Variants in ACSM1 observed in about 807,000 individuals in gnomAD.
ACSM1 encodes acyl-coenzyme A synthetase ACSM1, mitochondrial.
Under a neutral mutation model 75.8 loss-of-function variants are expected in ACSM1, and 79 were observed. That is an observed-to-expected ratio of 1.04 (90% CI 0.87 to 1.26). The LOEUF (loss-of-function observed/expected upper bound fraction) is 1.26. Ranked by LOEUF, ACSM1 falls within the 50% of genes most tolerant of loss-of-function variation. The pLI, the probability that ACSM1 is intolerant of heterozygous loss-of-function variation, is 0.00. For synonymous variants in ACSM1, 279 were observed against 265.8 expected (o/e 1.05, Z -0.48); for missense variants, 676 against 720.1 (o/e 0.94, Z 0.70).
At chr16:20,686,956 C>T (rs918330378) in intron 2 of ACSM1, among the ~76,000 whole-genome samples, 2 of 149,066 alleles carry the variant, frequency 1.3e-5, no homozygotes, top group East Asian at 2.0e-4. Flanking sequence ...AAGCCATACT[C>T]AAAATGGTAG....
chr16:20,689,802 T>G (rs1481779090), intron 2 of ACSM1, among the ~76,000 whole-genome samples: 1 of 152,178 alleles, frequency 6.6e-6, no homozygotes, highest in East Asian at 1.9e-4. Context: ...AAAAATGAAT[T>G]TATACTCTTA....
chr16:20,673,028 TATAC>T (rs2020051859), intron 4 of ACSM1, among the ~76,000 whole-genome samples: 2 of 144,342 alleles, frequency 1.4e-5, no homozygotes, highest in African/African-American at 5.1e-5. Flanking sequence ...TCATATATTA[TATAC>T]ACTTACATGT....
At chr16:20,656,320 G>C (rs942506939) in intron 7 of ACSM1, among the ~76,000 whole-genome samples, 5 of 152,074 alleles carry the variant, frequency 3.3e-5, no homozygotes, top group Non-Finnish European at 5.9e-5. Flanking sequence ...GCAAAAACTA[G>C]CTCAGATGCC....
Position 20,634,523 on chromosome 16 carries a change from T to G in ACSM1, c.1299+2216A>C, listed in dbSNP as rs186361560. ...AATTTTATTCAGACTTACAGAGGAATGACATTTTGTTACATGCTAAGACAT... is the reference window on the plus strand; with the variant it reads ...AATTTTATTCAGACTTACAGAGGAAGGACATTTTGTTACATGCTAAGACAT... On this transcript the variant is annotated intron_variant, in intron 10 of 13. Coordinates refer to ENST00000520010, the MANE Select transcript of ACSM1 (RefSeq NM_001318890.3). Among the ~76,000 whole-genome samples, 718 of 152,354 alleles carry G rather than the reference T, an allele frequency of 4.7e-3. 7 individuals are homozygous for G. Among genetic ancestry groups the G allele is most frequent in the Non-Finnish European group, 5.1e-3 (350 of 68,034 alleles).
intron 10 of ACSM1, among the ~76,000 whole-genome samples, chr16:20,631,582 A>G (rs2017348548): frequency 6.6e-6 from 1 of 152,258 alleles, no homozygotes; most frequent in Admixed American, 6.5e-5. Context: ...TGTTTATAGC[A>G]CAATTTGCAA....
At chr16:20,639,948 T>G (rs999339264) in intron 8 of ACSM1, among the ~76,000 whole-genome samples, 3 of 152,174 alleles carry the variant, frequency 2.0e-5, no homozygotes, top group East Asian at 3.9e-4. Context: ...CAAAACTACA[T>G]GCCTCCGCCA....
intron 1 of ACSM1, among the ~76,000 whole-genome samples, chr16:20,691,528 T>C (rs2079652092): frequency 6.6e-6 from 1 of 152,138 alleles, no homozygotes; most frequent in Non-Finnish European, 1.5e-5. Context: ...CATATGGTCA[T>C]CCCTTTTGTG....
chr16:20,649,965 C>T lies in ACSM1; in HGVS notation c.993-9381G>A, dbSNP rs150192044. On this transcript the variant is annotated intron_variant, in intron 7 of 13. Coordinates refer to ENST00000520010, the MANE Select transcript of ACSM1 (RefSeq NM_001318890.3). ...TCAACAATAGTTTGGTGCCCAAACACGTGGGGCCTCAGAGAAGACTCAGGA... is the reference window on the plus strand; with the variant it reads ...TCAACAATAGTTTGGTGCCCAAACATGTGGGGCCTCAGAGAAGACTCAGGA... Among the ~76,000 whole-genome samples the T allele has an allele frequency of 8.9e-4, 136 of 152,236 alleles. 1 individual carries two copies. In the Middle Eastern group the frequency reaches 0.024, roughly 27 times the overall value.
At chr16:20,671,808 T>TCAGTGTGATGCC in intron 4 of ACSM1, 137 bp from the exon 5 acceptor site, 1 of 957,514 alleles carries the variant, frequency 1.0e-6, no homozygotes, top group Non-Finnish European at 1.5e-6. Flanking sequence ...TCTCCCGGAG[T>TCAGTGTGATGCC]TAGGCATCAC....
chr16:20,627,752 C>G (rs924562215), intron 10 of ACSM1, among the ~76,000 whole-genome samples: 2 of 151,084 alleles, frequency 1.3e-5, no homozygotes, highest in African/African-American at 4.9e-5. Context: ...TCGCTTGAAC[C>G]TGGGAGGTGG....
intron 4 of ACSM1, among the ~76,000 whole-genome samples, chr16:20,672,135 A>G (rs2019947591): frequency 6.6e-6 from 1 of 151,994 alleles, no homozygotes; most frequent in Admixed American, 6.6e-5. Context: ...GCTTGGTAAT[A>G]TACAGCTAGC....
chr16:20,672,448 C>CAAAAA (rs528742963), intron 4 of ACSM1, among the ~76,000 whole-genome samples: 20 of 21,892 alleles, frequency 9.1e-4, no homozygotes, highest in African/African-American at 2.9e-3. Flanking sequence ...AACTCCATCT[C>CAAAAA]AAAAAAAAAA....
At chr16:20,639,385 C>T (rs1008342363) in intron 8 of ACSM1, among the ~76,000 whole-genome samples, 1 of 152,116 alleles carries the variant, frequency 6.6e-6, no homozygotes, top group African/African-American at 2.4e-5. Flanking sequence ...CTCCTAAACC[C>T]CAAGCAATGC....
At chr16:20,625,548 G>T in intron 11 of ACSM1, 26 bp from the exon 12 acceptor site, 1 of 1,604,126 alleles carries the variant, frequency 6.2e-7, no homozygotes, top group East Asian at 2.2e-5. Flanking sequence ...TTCTGAGGCA[G>T]ATGCCAGGGC....
chr16:20,676,668 G>A (rs2020297433), intron 4 of ACSM1, among the ~76,000 whole-genome samples: 1 of 152,190 alleles, frequency 6.6e-6, no homozygotes, highest in Admixed American at 6.5e-5. Flanking sequence ...GCCCTTATGG[G>A]AAGAGAAGCT....
chr16:20,652,829 G>C (rs772765223), intron 7 of ACSM1, among the ~76,000 whole-genome samples: 40 of 152,182 alleles, frequency 2.6e-4, no homozygotes, highest in Non-Finnish European at 5.1e-4. Context: ...GAGGTACAAG[G>C]AGGAGCTGGT....
intron 7 of ACSM1, among the ~76,000 whole-genome samples, chr16:20,642,348 G>A (rs955709225): frequency 5.3e-5 from 8 of 152,162 alleles, no homozygotes; most frequent in Admixed American, 3.9e-4. Context: ...TCAGCCCCAC[G>A]TGCTGAATTA....
At position 20,624,150 on chromosome 16, in the gene ACSM1, C is replaced by T. The variant is rs2016775780; in HGVS notation, c.1593G>A (p.Lys531=). Residue 531 remains lysine, a synonymous_variant, in exon 13 of 14, where the codon AAG becomes AAA. Transcript: ENST00000520010. The part of the protein sequence containing the change: ...FLSHDKDQLT[K]ELQQHVKSVT... ...CTGACTTGACATGCTGCTGCAGTTC[C>T]TTGGTCAGCTGATCCTTGTCATGGG... 1 of 1,613,420 alleles carries T rather than the reference C, an allele frequency of 6.2e-7. No homozygotes were observed. Among genetic ancestry groups the T allele is most frequent in the African/African-American group, 1.3e-5 (1 of 74,918 alleles).
Position 20,682,272 on chromosome 16 carries a change from A to T in ACSM1, c.595T>A (p.Phe199Ile), listed in dbSNP as rs1413171488. ...GAGACTCACTTAACCAGCGATCGGAAGTCCAGCCACCCTTCACGGCTGTGA... is the reference window on the plus strand; with the variant it reads ...GAGACTCACTTAACCAGCGATCGGATGTCCAGCCACCCTTCACGGCTGTGA... ...SDHSREGWLD[F>I]RSLVKSASPE... The change falls in exon 4 of 14, where the codon TTC becomes ATC. Residue 199 changes from phenylalanine to isoleucine, a missense_variant. Transcript: ENST00000520010. 6.2e-7 allele frequency: 1 copy of T among 1,613,196 alleles called. No homozygotes were observed. The highest frequency in any genetic ancestry group is 1.7e-5 in the Admixed American group (1 of 60,010).
Sources: allele counts gnomAD v4.1 joint callset (sites outside exome capture counted in the v4.1 genomes callset), GRCh38; gene constraint gnomAD v4.1.1; transcripts MANE v1.5; gene names NCBI Gene and HGNC (gene_info 2026-07-23, HGNC 2026-07-21).